PSMF1: variants seen among roughly 807,000 people sequenced by gnomAD.
PSMF1 encodes the protein proteasome inhibitor subunit 1, also known as proteasome inhibitor PI31 subunit.
A neutral mutation model predicts 29.3 loss-of-function variants in PSMF1; 30 were observed. The ratio of observed to expected loss-of-function variants is 1.02; its 90% CI spans 0.77 to 1.39. The LOEUF is 1.39. PSMF1 is among the 40% of genes most tolerant of loss of function. The pLI is 0.00. For missense variants in PSMF1, 344 were observed against 357.5 expected (o/e 0.96, Z 0.31); for synonymous variants, 134 against 139.7 (o/e 0.96, Z 0.29).
At chr20:1,155,968 A>C (rs2086589865) in intron 4 of PSMF1, among the ~76,000 whole-genome samples, 1 of 152,216 alleles carries the variant, frequency 6.6e-6, no homozygotes. Flanking sequence ...CAGATGTTGG[A>C]ATTATTTGAC....
At chr20:1,154,769 T>C (rs2300185) in intron 4 of PSMF1, among the ~76,000 whole-genome samples, 64,856 of 152,058 alleles carry the variant, frequency 0.43, 14,239 homozygotes, top group East Asian at 0.71. Flanking sequence ...GTGGTTCAAA[T>C]AATGCTGTGG....
chr20:1,119,589 C>T (rs1300682469), intron 1 of PSMF1, among the ~76,000 whole-genome samples: 2 of 152,124 alleles, frequency 1.3e-5, no homozygotes, highest in Non-Finnish European at 2.9e-5. Flanking sequence ...TCATAGTTGT[C>T]CCCATAGGGC....
chr20:1,129,213 T>C (rs982045694), intron 3 of PSMF1, among the ~76,000 whole-genome samples: 2 of 152,172 alleles, frequency 1.3e-5, no homozygotes, highest in Non-Finnish European at 2.9e-5. Context: ...AGGGTTTTGC[T>C]GTTGGCCAGG....
chr20:1,118,017 A>G (rs1483541990), upstream of PSMF1: 1 of 152,226 alleles, frequency 6.6e-6, no homozygotes, highest in Non-Finnish European at 1.5e-5. Flanking sequence ...AACGGTCCAT[A>G]CTTCATAGAG....
intron 4 of PSMF1, among the ~76,000 whole-genome samples, chr20:1,146,240 T>C (rs1041919110): frequency 6.6e-6 from 1 of 152,160 alleles, no homozygotes; most frequent in Non-Finnish European, 1.5e-5. Flanking sequence ...GGGAATTATT[T>C]CTTAAACTCT....
At chr20:1,119,864 C>T (rs1274940507) in intron 1 of PSMF1, among the ~76,000 whole-genome samples, 1 of 152,184 alleles carries the variant, frequency 6.6e-6, no homozygotes, top group African/African-American at 2.4e-5. Context: ...CAAGACTAGC[C>T]ATGGGAAACA....
In PSMF1 at chr20:1,170,910, C is replaced by T. The variant is rs932888377; in HGVS notation, c.*5830C>T. On this transcript the variant is annotated 3_prime_UTR_variant, in exon 7 of 7. Coordinates refer to ENST00000335877, the MANE Select transcript of PSMF1 (RefSeq NM_006814.5). ...TCCTCATCGCATGTAGTACCCCTGA[C>T]AACCCCAAGGTAAACACAGCTAGTG... Among the ~76,000 whole-genome samples the T allele has an allele frequency of 2.0e-5, 3 of 152,078 alleles. No individual in the cohort carries two copies. The highest frequency in any genetic ancestry group is 7.2e-5 in the African/African-American group (3 of 41,388).
At chr20:1,147,561 A>G (rs146982632) in intron 4 of PSMF1, among the ~76,000 whole-genome samples, 64 of 152,296 alleles carry the variant, frequency 4.2e-4, no homozygotes, top group East Asian at 2.5e-3. Flanking sequence ...AGGCAGATCT[A>G]TTTCACAAGA....
chr20:1,149,671 A>G (rs79478713), intron 4 of PSMF1, among the ~76,000 whole-genome samples: 1 of 152,384 alleles, frequency 6.6e-6, no homozygotes, highest in South Asian at 2.1e-4. Flanking sequence ...TGACTGCTTC[A>G]GCCAGCAGCT....
At position 1,167,180 on chromosome 20, in the gene PSMF1, T is replaced by C. The variant is rs1283940581; in HGVS notation, c.*2100T>C. The C allele has an allele frequency of 6.6e-6, 1 of 152,158 alleles. No homozygotes were observed. Among genetic ancestry groups the C allele is most frequent in the Non-Finnish European group, 1.5e-5 (1 of 68,042 alleles). The allele number at this position is 152,158 out of a possible 1,614,324, so 9.4% of individuals were successfully genotyped here. The stretch of plus-strand genomic sequence containing the variant: ...GCCTTTAGGAACTTCCTGGTCAAGC[T>C]TATGGTGCTTATTTTGATCTGGGCC... On this transcript the variant is annotated 3_prime_UTR_variant, in exon 7 of 7. Coordinates refer to ENST00000335877, the MANE Select transcript of PSMF1 (RefSeq NM_006814.5).
At chr20:1,126,783 G>T (rs2122472446) in intron 2 of PSMF1, among the ~76,000 whole-genome samples, 1 of 152,248 alleles carries the variant, frequency 6.6e-6, no homozygotes, top group Admixed American at 6.5e-5. Context: ...GGAGGCTGAG[G>T]CAGGAGCATC....
At chr20:1,119,939 G>A (rs2086065061) in intron 1 of PSMF1, among the ~76,000 whole-genome samples, 1 of 151,934 alleles carries the variant, frequency 6.6e-6, no homozygotes, top group African/African-American at 2.4e-5. Context: ...GACTGCTTCA[G>A]TTCTCAACTC....
intron 4 of PSMF1, among the ~76,000 whole-genome samples, chr20:1,153,121 T>A (rs147629059): frequency 6.6e-6 from 1 of 152,308 alleles, no homozygotes; most frequent in Non-Finnish European, 1.5e-5. Flanking sequence ...CTAAATTACT[T>A]AGAAAAACAT....
chr20:1,135,024 A>T, intron 3 of PSMF1, 97 bp from the exon 4 acceptor site: 1 of 1,260,404 alleles, frequency 7.9e-7, no homozygotes, highest in South Asian at 1.2e-5. Flanking sequence ...GCCAGGAGCT[A>T]TCAGGGCCGC....
At chr20:1,140,189 C>G (rs1259064520) in intron 4 of PSMF1, among the ~76,000 whole-genome samples, 1 of 152,124 alleles carries the variant, frequency 6.6e-6, no homozygotes, top group Non-Finnish European at 1.5e-5. Flanking sequence ...CTTCCAGATC[C>G]CTATTTCAAA....
In PSMF1 at chr20:1,135,215, C is replaced by A. The variant is rs2086289387; in HGVS notation, c.460C>A (p.Pro154Thr). Residue 154 changes from proline to threonine, a missense_variant, in exon 4 of 7, where the codon CCC becomes ACC. Transcript: ENST00000335877. ...EQWEKANVSS[P>T]HREFPPATAR... Reference sequence around the variant, plus strand: ...GTGGGAAAAGGCTAATGTAAGCAGTCCCCACCGGGAGTTCCCCCCTGCTAC... The same window carrying A: ...GTGGGAAAAGGCTAATGTAAGCAGTACCCACCGGGAGTTCCCCCCTGCTAC... 1 of 1,614,096 alleles carries A rather than the reference C, an allele frequency of 6.2e-7. No homozygotes were observed. Among genetic ancestry groups the A allele is most frequent in the East Asian group, 2.2e-5 (1 of 44,872 alleles).
At chr20:1,143,043 A>T (rs1210351817) in intron 4 of PSMF1, among the ~76,000 whole-genome samples, 2 of 152,244 alleles carry the variant, frequency 1.3e-5, no homozygotes, top group Non-Finnish European at 2.9e-5. Context: ...TTCATGGATT[A>T]AAAAATCAGC....
chr20:1,125,368 G>A (rs2086140863), intron 1 of PSMF1, 130 bp from the exon 2 acceptor site: 3 of 1,026,268 alleles, frequency 2.9e-6, no homozygotes, highest in East Asian at 5.4e-5. Context: ...TCTTGGGCAA[G>A]TCATTTCTCT....
intron 4 of PSMF1, among the ~76,000 whole-genome samples, chr20:1,149,581 A>G (rs149803325): frequency 2.0e-5 from 3 of 152,226 alleles, no homozygotes; most frequent in Non-Finnish European, 4.4e-5. Context: ...AATGTCCGCT[A>G]TGTAGCCAAG....
Sources: allele counts gnomAD v4.1 joint callset (sites outside exome capture counted in the v4.1 genomes callset), GRCh38; gene constraint gnomAD v4.1.1; transcripts MANE v1.5; gene names NCBI Gene and HGNC (gene_info 2026-07-23, HGNC 2026-07-21).